Variants in TAS1R2 observed in about 807,000 individuals in gnomAD.
The protein encoded by TAS1R2 is taste receptor type 1 member 2.
TAS1R2 carries 47 observed loss-of-function variants against 49.3 expected under a neutral mutation model. That is an observed-to-expected ratio of 0.95 (90% CI 0.75 to 1.22). TAS1R2 has a LOEUF of 1.22. TAS1R2 is among the 50% of genes most tolerant of loss of function. The pLI is 0.00. For missense variants in TAS1R2, 1,155 were observed against 1,122.1 expected, an observed-to-expected ratio of 1.03 and a Z score of -0.42; for synonymous variants, 479 against 467.9, an observed-to-expected ratio of 1.02 and a Z score of -0.31.
intron 4 of TAS1R2, among the ~76,000 whole-genome samples, chr1:18,848,594 G>A (rs1465776839): frequency 6.6e-6 from 1 of 152,154 alleles, no homozygotes; most frequent in Non-Finnish European, 1.5e-5. Flanking sequence ...AGCAGCAGGT[G>A]AGCGAGAGCA....
chr1:18,841,774 C>T (rs771711988), exon 5 of TAS1R2: 1 of 1,613,972 alleles, frequency 6.2e-7, no homozygotes, highest in Non-Finnish European at 8.5e-7. Context: ...TCGATGCACT[C>T]GAAGCAGCAG....
At position 18,854,375 on chromosome 1, in the gene TAS1R2, G is replaced by A; in HGVS notation, c.1095C>T (p.Asn365=). Residue 365 remains asparagine, a synonymous_variant, in exon 3 of 6, where the codon AAC becomes AAT. Coordinates refer to ENST00000375371, the Ensembl canonical transcript of TAS1R2. This position sits in a 1 kb window ranked among gnomAD's most constrained non-coding sequence, Gnocchi z 4.9. ...TGAAGGACAAGGTGGCGTTCAGGCA[G>A]TTGTCGCACTCCTGGTTGCAGGTAT... 6.2e-7 allele frequency: 1 copy of A among 1,613,936 alleles called. No individual in the cohort carries two copies. Among genetic ancestry groups the A allele is most frequent in the Non-Finnish European group, 8.5e-7 (1 of 1,179,922 alleles).
chr1:18,840,132 T>G lies in TAS1R2; in HGVS notation c.1987A>C (p.Ser663Arg), dbSNP rs538705871. ...TAGCTGTAGGCGCGTGGGAAGCGGC[T>G]GGCCATCTTGAAGGCGCAGACGATC... Residue 663 changes from serine (S) to arginine (R), a missense_variant, in exon 6 of 6, where the codon AGC becomes CGC. Ser to Arg is a moderately radical substitution (Grantham distance 110). Transcript: ENST00000375371. The G allele has an allele frequency of 1.6e-4, 264 of 1,614,240 alleles. 6 individuals are homozygous for G. The South Asian group carries it at 2.8e-3, about 17-fold the overall frequency.
intron 4 of TAS1R2, among the ~76,000 whole-genome samples, chr1:18,845,629 G>A (rs1378194376): frequency 6.6e-6 from 1 of 152,218 alleles, no homozygotes; most frequent in Non-Finnish European, 1.5e-5. Context: ...GGCCAAGAAA[G>A]GAAGAAGTAA....
rs760020093 is a variant in TAS1R2 at position 18,840,289 on chromosome 1, C to A, written c.1830G>T (p.Leu610=). 5.0e-6 allele frequency: 8 copies of A among 1,613,980 alleles called. No individual in the cohort carries two copies. In the African/African-American group the frequency reaches 8.0e-5, roughly 16 times the overall value. ...GGACCACCATGTATGCCACCAGCAG[C>A]AGTGTCAGCATCAGGAAGCACATGG... Residue 610 remains leucine (L), a synonymous_variant, in exon 6 of 6, where the codon CTG becomes CTT. Coordinates refer to ENST00000375371, the Ensembl canonical transcript of TAS1R2.
chr1:18,857,320 AG>A lies in TAS1R2; in HGVS notation c.483+10del. The A allele has an allele frequency of 6.2e-7, 1 of 1,610,324 alleles. No individual in the cohort carries two copies. Among genetic ancestry groups the A allele is most frequent in the Non-Finnish European group, 8.5e-7 (1 of 1,176,848 alleles). ...CTCCCCAGGTCCTTCTCCAGGGCCC[AG>A]GGGCCTCACCTGTGGAAGGAGAAAT... On this transcript the variant is annotated intron_variant, in intron 2 of 5. Transcript: ENST00000375371.
At chr1:18,849,525 T>C (rs143516189) in exon 4 of TAS1R2, 30 of 1,614,086 alleles carry the variant, frequency 1.9e-5, no homozygotes, top group Non-Finnish European at 2.5e-5. Context: ...GAGAGTGAAG[T>C]TGACCTTCCA....
chr1:18,847,583 T>C (rs1933945987), intron 4 of TAS1R2, among the ~76,000 whole-genome samples: 1 of 152,078 alleles, frequency 6.6e-6, no homozygotes, highest in Non-Finnish European at 1.5e-5. Context: ...TCCAGAAGCT[T>C]TTAGATCTCT....
At chr1:18,840,847 A>G (rs1933811085) in intron 5 of TAS1R2, among the ~76,000 whole-genome samples, 1 of 152,068 alleles carries the variant, frequency 6.6e-6, no homozygotes, top group Non-Finnish European at 1.5e-5. Context: ...CCAAGACCTC[A>G]CCCTCTGGTG....
chr1:18,841,698 A>C, intron 5 of TAS1R2, 31 bp downstream of exon 5: 1 of 1,599,274 alleles, frequency 6.3e-7, no homozygotes, highest in Non-Finnish European at 8.6e-7. Flanking sequence ...GGGCAGGGGC[A>C]GGGCAGGAGT....
At chr1:18,859,271 G>A (rs939956365) in intron 1 of TAS1R2, among the ~76,000 whole-genome samples, 1 of 152,194 alleles carries the variant, frequency 6.6e-6, no homozygotes, top group Non-Finnish European at 1.5e-5. Context: ...GTGTTTCAGA[G>A]CACAGTCGCC....
In TAS1R2 at chr1:18,849,367, T is replaced by G. The variant is rs780989822; in HGVS notation, c.1441A>C (p.Ile481Leu). ...GTGTTGTTGATGGTGTGCCAGGAGA[T>G]GTCTTGGATGTTCTTCAGCTGTCGC... The change falls in exon 4 of 6, where the codon ATC (isoleucine) becomes CTC (leucine). Residue 481 changes from isoleucine (I) to leucine (L), a missense_variant. Transcript: ENST00000375371. 6 of 1,613,882 alleles carry G rather than the reference T, an allele frequency of 3.7e-6. No homozygotes were observed. In the East Asian group the frequency reaches 1.3e-4, roughly 36 times the overall value.
At chr1:18,857,113 G>A (rs920749972) in intron 2 of TAS1R2, among the ~76,000 whole-genome samples, 5 of 152,182 alleles carry the variant, frequency 3.3e-5, no homozygotes, top group Admixed American at 1.3e-4. Context: ...GCCAAGGCTC[G>A]GTGCCAAGTT....
exon 6 of TAS1R2, chr1:18,840,006 T>C (rs1165738325): frequency 1.2e-6 from 2 of 1,613,266 alleles, no homozygotes; most frequent in Admixed American, 1.7e-5. Context: ...GTACGGGTGG[T>C]GGGACTGAGG....
At chr1:18,841,509 C>T (rs1933823055) in intron 5 of TAS1R2, among the ~76,000 whole-genome samples, 1 of 152,202 alleles carries the variant, frequency 6.6e-6, no homozygotes, top group East Asian at 1.9e-4. Flanking sequence ...CCCTTCCCTT[C>T]TCCCTCCCTC....
At chr1:18,856,416 C>A (rs942818316) in intron 2 of TAS1R2, among the ~76,000 whole-genome samples, 2 of 152,120 alleles carry the variant, frequency 1.3e-5, no homozygotes, top group Non-Finnish European at 2.9e-5. Flanking sequence ...ACTGACATGC[C>A]AGACACCCCC....
Position 18,849,331 on chromosome 1 carries a change from C to T in TAS1R2, c.1467+10G>A. 1 of 1,613,480 alleles carries T rather than the reference C, an allele frequency of 6.2e-7. No individual in the cohort carries two copies. The highest frequency in any genetic ancestry group is 2.2e-5 in the East Asian group (1 of 44,890). On this transcript the variant is annotated intron_variant, in intron 4 of 5. Coordinates refer to ENST00000375371, the Ensembl canonical transcript of TAS1R2. ...CCAGGCCTGCCCACCCACCAGGCCC[C>T]CTGGCTGACCGTGTTGTTGATGGTG... is the stretch of plus-strand genomic sequence containing the variant.
chr1:18,846,603 AT>A (rs1933924824), intron 4 of TAS1R2, among the ~76,000 whole-genome samples: 1 of 152,262 alleles, frequency 6.6e-6, no homozygotes, highest in Non-Finnish European at 1.5e-5. Flanking sequence ...ATGTGACCTC[AT>A]TAAGAAATAG....
chr1:18,852,275 AC>A (rs1387035396), intron 3 of TAS1R2, among the ~76,000 whole-genome samples: 20 of 152,238 alleles, frequency 1.3e-4, no homozygotes, highest in African/African-American at 4.3e-4. Context: ...GACACCACAT[AC>A]CATTTTGCAG....
Sources: allele counts gnomAD v4.1 joint callset (sites outside exome capture counted in the v4.1 genomes callset), GRCh38; gene constraint gnomAD v4.1.1; non-coding constraint Gnocchi (gnomAD v3.1); transcripts MANE v1.5; gene names NCBI Gene and HGNC (gene_info 2026-07-23, HGNC 2026-07-21).